Variants in GRID2 observed in about 807,000 individuals in gnomAD.
The protein encoded by GRID2 is glutamate receptor ionotropic, delta-2.
In GRID2, 33 loss-of-function variants were observed where a neutral mutation model predicts 114.8. That is an observed-to-expected ratio of 0.29 (90% CI 0.22 to 0.38). The LOEUF (loss-of-function observed/expected upper bound fraction) is 0.38, where lower values mean the gene tolerates loss of function less well. Among genes scored for constraint, GRID2 ranks in the 10% least tolerant of loss-of-function variants. The probability of loss-of-function intolerance (pLI) is 1.00; values close to 1 mark genes in which losing one functional copy is unlikely to be tolerated. For synonymous variants in GRID2, 505 were observed against 449.9 expected (o/e 1.12, Z -1.55); for missense variants, 1,184 against 1,257.7 (o/e 0.94, Z 0.89).
At position 92,666,650 on chromosome 4, in the gene GRID2, G is replaced by GTTTTTTGTTTTTTTTTTTTTTTT. The variant is rs1286942855; in HGVS notation, c.244+76370_244+76371insGTTTTTTTTTTTTTTTTTTTTTT. ...AGGCTGATGTGTAAACTTAAGGGTTGTTTTTTTTTTTTTTTTTTTTCAGAT... is the reference window on the plus strand; with the variant it reads ...AGGCTGATGTGTAAACTTAAGGGTTGTTTTTTGTTTTTTTTTTTTTTTTTTTTTTTTTTTTTTTTTTTTCAGAT... On this transcript the variant is annotated intron_variant, in intron 2 of 15. Coordinates refer to ENST00000282020, the MANE Select transcript of GRID2 (RefSeq NM_001510.4). Among the ~76,000 whole-genome samples the GTTTTTTGTTTTTTTTTTTTTTTT allele has an allele frequency of 2.3e-4, 16 of 68,592 alleles. 1 individual carries two copies. Among genetic ancestry groups the GTTTTTTGTTTTTTTTTTTTTTTT allele is most frequent in the South Asian group, 1.1e-3 (2 of 1,768 alleles). 45.0% of individuals were successfully genotyped at this position (68,592 alleles called of 152,430 possible).
chr4:92,982,821 T>C lies in GRID2; in HGVS notation c.245-102174T>C, dbSNP rs1429453187. On this transcript the variant is annotated intron_variant, in intron 2 of 15. Coordinates refer to ENST00000282020, the MANE Select transcript of GRID2 (RefSeq NM_001510.4). ...CCATGTATTAAAAGTTGCAGATTAT[T>C]TTAAGAAATAATTTCTACTTTTTTA... Among the ~76,000 whole-genome samples the C allele has an allele frequency of 2.0e-5, 3 of 152,140 alleles. No homozygotes were observed. The South Asian group carries it at 6.2e-4, about 31-fold the overall frequency.
At chr4:93,574,407 C>A (rs1327172242) in intron 13 of GRID2, among the ~76,000 whole-genome samples, 2 of 152,088 alleles carry the variant, frequency 1.3e-5, no homozygotes, top group Non-Finnish European at 2.9e-5. Context: ...AGTCTGTTTT[C>A]ATACTACTGA....
At chr4:93,775,277 C>T (rs1734345541), downstream of GRID2, among the ~76,000 whole-genome samples, 1 of 152,056 alleles carries the variant, frequency 6.6e-6, no homozygotes, top group Non-Finnish European at 1.5e-5. Flanking sequence ...AAATAAGATG[C>T]TAAGATGCTG....
intron 2 of GRID2, among the ~76,000 whole-genome samples, chr4:92,825,879 G>A (rs1741663800): frequency 6.6e-6 from 1 of 152,146 alleles, no homozygotes; most frequent in Non-Finnish European, 1.5e-5. Context: ...TGGAGCCCAT[G>A]TTAGGAGAAA....
intron 10 of GRID2, among the ~76,000 whole-genome samples, chr4:93,453,432 C>T (rs1250620395): frequency 1.3e-5 from 2 of 151,580 alleles, no homozygotes; most frequent in Non-Finnish European, 2.9e-5. Context: ...AGAAATTTCT[C>T]CTTGAAAATA....
chr4:92,788,521 A>G (rs1739424349), intron 2 of GRID2, among the ~76,000 whole-genome samples: 1 of 151,928 alleles, frequency 6.6e-6, no homozygotes, highest in Non-Finnish European at 1.5e-5. Context: ...AGAATTTTTT[A>G]TTCAAATGTT....
intron 2 of GRID2, among the ~76,000 whole-genome samples, chr4:93,021,187 TAA>T (rs1158452811): frequency 6.6e-6 from 1 of 151,876 alleles, no homozygotes; most frequent in Non-Finnish European, 1.5e-5. Flanking sequence ...CCTGAAAAAA[TAA>T]GTTTTGTATT....
At chr4:92,908,004 C>T (rs1431237773) in intron 2 of GRID2, among the ~76,000 whole-genome samples, 1 of 152,008 alleles carries the variant, frequency 6.6e-6, no homozygotes, top group African/African-American at 2.4e-5. Context: ...GCCTGGGCAA[C>T]AAGAGGGAAA....
At chr4:92,451,010 G>C (rs1403618681) in intron 1 of GRID2, among the ~76,000 whole-genome samples, 2 of 151,666 alleles carry the variant, frequency 1.3e-5, no homozygotes, top group Admixed American at 1.3e-4. Context: ...CACTCATAAA[G>C]AAATGTTATT....
At chr4:93,678,042 G>C (rs994740637) in intron 14 of GRID2, among the ~76,000 whole-genome samples, 2 of 152,100 alleles carry the variant, frequency 1.3e-5, no homozygotes, top group Non-Finnish European at 2.9e-5. Context: ...AAATTTAGAC[G>C]AATGGATAAC....
rs148495990 is a variant in GRID2, at chr4:93,457,094, G to A, written c.1858+1120G>A. ...TATGATGGTGAGCAAGAAGGTCTTT[G>A]CCATCATTGCGCCACAACAGAAGTC... On this transcript the variant is annotated intron_variant, in intron 11 of 15. Coordinates refer to ENST00000282020, the MANE Select transcript of GRID2 (RefSeq NM_001510.4). Among the ~76,000 whole-genome samples the A allele has an allele frequency of 3.1e-3, 465 of 152,238 alleles. 4 individuals carry two copies. Among genetic ancestry groups the A allele is most frequent in the African/African-American group, 0.011 (444 of 41,554 alleles).
At chr4:92,764,474 C>T (rs1560578793) in intron 2 of GRID2, among the ~76,000 whole-genome samples, 1 of 152,136 alleles carries the variant, frequency 6.6e-6, no homozygotes, top group Non-Finnish European at 1.5e-5. Context: ...CCCCTGCCAG[C>T]TCACAGTTGG....
chr4:92,932,058 G>A (rs902826558), intron 2 of GRID2, among the ~76,000 whole-genome samples: 4 of 151,058 alleles, frequency 2.6e-5, no homozygotes, highest in Non-Finnish European at 4.5e-5. Flanking sequence ...CAAAAAATAA[G>A]AAGCATCAAG....
At chr4:92,946,059 A>G (rs188873469) in intron 2 of GRID2, among the ~76,000 whole-genome samples, 1 of 152,048 alleles carries the variant, frequency 6.6e-6, no homozygotes, top group Non-Finnish European at 1.5e-5. Context: ...ACTGCCTTTA[A>G]TCTCACCGTT....
intron 1 of GRID2, among the ~76,000 whole-genome samples, chr4:92,510,819 G>A (rs1333256396): frequency 6.7e-6 from 1 of 148,980 alleles, no homozygotes; most frequent in Non-Finnish European, 1.5e-5. Flanking sequence ...AAAACATCAA[G>A]CCATATCCCA....
chr4:92,939,710 A>G (rs985528372), intron 2 of GRID2, among the ~76,000 whole-genome samples: 1 of 147,368 alleles, frequency 6.8e-6, no homozygotes, highest in Non-Finnish European at 1.5e-5. Context: ...TCTAACATTT[A>G]AGTCTTTAAT....
intron 1 of GRID2, among the ~76,000 whole-genome samples, chr4:92,586,936 T>TC (rs1348743835): frequency 1.3e-5 from 2 of 151,876 alleles, no homozygotes; most frequent in African/African-American, 4.8e-5. Context: ...CCTTTATTTC[T>TC]CCCCCCATAA....
chr4:92,914,242 G>A (rs141594110), intron 2 of GRID2, among the ~76,000 whole-genome samples: 107 of 152,126 alleles, frequency 7.0e-4, no homozygotes, highest in African/African-American at 2.5e-3. Flanking sequence ...ATTAGATTGT[G>A]CATGGACATT....
chr4:93,406,124 T>C (rs1170426423), intron 9 of GRID2, among the ~76,000 whole-genome samples: 1 of 152,170 alleles, frequency 6.6e-6, no homozygotes, highest in Admixed American at 6.6e-5. Context: ...CTTATCTATC[T>C]AATTTACTCC....
Sources: allele counts gnomAD v4.1 joint callset (sites outside exome capture counted in the v4.1 genomes callset), GRCh38; gene constraint gnomAD v4.1.1; transcripts MANE v1.5; gene names NCBI Gene and HGNC (gene_info 2026-07-23, HGNC 2026-07-21).